The following TTC3 variants were observed in gnomAD, a reference collection of about 807,000 sequenced individuals.
The protein encoded by TTC3 is E3 ubiquitin-protein ligase TTC3.
TTC3 carries 180 observed loss-of-function variants against 249.6 expected under a neutral mutation model. The ratio of observed to expected loss-of-function variants is 0.72; its 90% confidence interval spans 0.64 to 0.82. The LOEUF (loss-of-function observed/expected upper bound fraction) is 0.82, where lower values mean the gene tolerates loss of function less well. TTC3 is among the 40% of genes least tolerant of loss of function. The probability of loss-of-function intolerance (pLI) is 0.00; values close to 1 mark genes in which losing one functional copy is unlikely to be tolerated. For missense variants in TTC3, 2,061 were observed against 2,398.4 expected (o/e 0.86, Z 2.94); for synonymous variants, 717 against 805.0 (o/e 0.89, Z 1.85).
At chr21:37,082,530 C>G (rs1358501451) in intron 1 of TTC3, 1 of 985,184 alleles carries the variant, frequency 1.0e-6, no homozygotes, top group East Asian at 1.1e-4. Context: ...TTTTGAGTTC[C>G]TACATTTTGC....
chr21:37,197,999 A>G (rs2085103965), exon 44 of TTC3: 4 of 1,613,334 alleles, frequency 2.5e-6, no homozygotes, highest in Non-Finnish European at 3.4e-6. Context: ...CAAGGGGCAG[A>G]AAGCAGAAGA....
At chr21:37,103,925 TGAG>T (rs1475808145) in intron 10 of TTC3, among the ~76,000 whole-genome samples, 1 of 152,052 alleles carries the variant, frequency 6.6e-6, no homozygotes, top group Non-Finnish European at 1.5e-5. Flanking sequence ...GATTTTAAAC[TGAG>T]GAGAGAGAGC....
chr21:37,156,986 T>C, intron 28 of TTC3, 80 bp downstream of exon 28: 1 of 1,500,048 alleles, frequency 6.7e-7, no homozygotes, highest in Non-Finnish European at 9.0e-7. Flanking sequence ...CTTGTTTAAA[T>C]ATATAACAAA....
intron 11 of TTC3, among the ~76,000 whole-genome samples, chr21:37,108,701 G>C (rs537836132): frequency 2.6e-5 from 4 of 152,138 alleles, no homozygotes; most frequent in African/African-American, 9.7e-5. Flanking sequence ...TCATCTCTGC[G>C]TATTCTGGGT....
chr21:37,138,976 CAT>C (rs1253636893), intron 19 of TTC3, among the ~76,000 whole-genome samples: 1 of 152,018 alleles, frequency 6.6e-6, no homozygotes, highest in Non-Finnish European at 1.5e-5. Context: ...ATTTCAGAAA[CAT>C]AATCTTGAGG....
At chr21:37,133,655 G>A (rs1003349983) in intron 17 of TTC3, among the ~76,000 whole-genome samples, 3 of 152,076 alleles carry the variant, frequency 2.0e-5, no homozygotes, top group East Asian at 1.9e-4. Context: ...ATATGATTTC[G>A]GCCTGCTCTG....
intron 28 of TTC3, among the ~76,000 whole-genome samples, chr21:37,157,701 G>A (rs1371724783): frequency 6.6e-6 from 1 of 152,160 alleles, no homozygotes; most frequent in African/African-American, 2.4e-5. Context: ...CCCTATTTGG[G>A]TAATGGCATG....
intron 18 of TTC3, 80 bp downstream of exon 18, chr21:37,135,594 C>A: frequency 6.6e-7 from 1 of 1,506,108 alleles, no homozygotes; most frequent in South Asian, 1.2e-5. Flanking sequence ...GGGCTTAACT[C>A]ATTGTAGTAA....
chr21:37,130,621 G>A (rs2077393872), intron 16 of TTC3, among the ~76,000 whole-genome samples: 1 of 152,016 alleles, frequency 6.6e-6, no homozygotes, highest in Non-Finnish European at 1.5e-5. Context: ...CTTGCTTTTT[G>A]TCTTTTACAA....
chr21:37,134,620 A>G (rs1366894525), intron 17 of TTC3, among the ~76,000 whole-genome samples: 1 of 152,170 alleles, frequency 6.6e-6, no homozygotes, highest in East Asian at 1.9e-4. Context: ...GTGTATAGCA[A>G]GGAGTGAGGA....
chr21:37,090,105 A>G (rs1289061335), intron 5 of TTC3, 128 bp from the exon 6 acceptor site: 2 of 577,268 alleles, frequency 3.5e-6, no homozygotes, highest in African/African-American at 1.9e-5. Flanking sequence ...GGTCATGTAA[A>G]TGCTTGTCGG....
intron 10 of TTC3, among the ~76,000 whole-genome samples, chr21:37,105,327 AT>A (rs1443489815): frequency 1.3e-5 from 2 of 152,166 alleles, no homozygotes; most frequent in East Asian, 3.9e-4. Context: ...AACTTACCTT[AT>A]TCAAGAGTTC....
intron 17 of TTC3, among the ~76,000 whole-genome samples, chr21:37,133,088 A>G (rs1261822141): frequency 1.3e-5 from 2 of 152,216 alleles, no homozygotes; most frequent in Non-Finnish European, 1.5e-5. Flanking sequence ...TACGTTAGCT[A>G]GAGGTTTAAC....
chr21:37,198,100 C>T (rs544796792), intron 44 of TTC3, 75 bp downstream of exon 44: 1 of 1,472,178 alleles, frequency 6.8e-7, no homozygotes, highest in East Asian at 2.4e-5. Flanking sequence ...ATGATTTAGC[C>T]CCATTCATTT....
At chr21:37,088,317 A>C in exon 4 of TTC3, 1 of 1,613,292 alleles carries the variant, frequency 6.2e-7, no homozygotes, top group African/African-American at 1.3e-5. Flanking sequence ...GTTCCGTAAT[A>C]TCACGATTGC....
At position 37,081,325 on chromosome 21, in the gene TTC3, C is replaced by A. The variant is rs548128664; in HGVS notation, c.-11-5922C>A. Among the ~76,000 whole-genome samples, 5 of 152,038 alleles carry A rather than the reference C, an allele frequency of 3.3e-5. No individual in the cohort carries two copies. The East Asian group carries it at 9.7e-4, about 29-fold the overall frequency. ...TAGAGATGGGGTTTCACCATGTTGGCCAGGATGGTCTTGATCTCTTGACCT... is the reference window on the plus strand; with the variant it reads ...TAGAGATGGGGTTTCACCATGTTGGACAGGATGGTCTTGATCTCTTGACCT... On this transcript the variant is annotated intron_variant, in intron 1 of 45. Transcript: ENST00000355666.
In TTC3 at chr21:37,153,144, A is replaced by G. The variant is rs56032400; in HGVS notation, c.2607A>G (p.Ala869=). The G allele has an allele frequency of 1.3e-3, 2,119 of 1,614,082 alleles. 21 individuals carry two copies. In the African/African-American group the frequency reaches 0.024, roughly 19 times the overall value. ...CTAGCAGAAATTTTCTAAATGAAGC[A>G]GTGGACTATGTTATTCGCCACTTGA... The change falls in exon 27 of 46, where the codon GCA becomes GCG. Residue 869 remains alanine, a synonymous_variant. Coordinates refer to ENST00000355666, the Ensembl canonical transcript of TTC3.
At chr21:37,140,164 G>A (rs974523211) in intron 19 of TTC3, among the ~76,000 whole-genome samples, 1 of 152,138 alleles carries the variant, frequency 6.6e-6, no homozygotes, top group Admixed American at 6.6e-5. Flanking sequence ...CATTGGAATG[G>A]CATTCCTTCC....
exon 43 of TTC3, chr21:37,197,590 T>C (rs765570846): frequency 6.2e-7 from 1 of 1,611,952 alleles, no homozygotes; most frequent in East Asian, 2.2e-5. Flanking sequence ...GCTGGTTTTA[T>C]TAAAAAAGTG....
Sources: gnomAD v4.1 joint callset for allele counts (sites outside exome capture counted in the v4.1 genomes callset) on GRCh38, gnomAD v4.1.1 for gene constraint, MANE v1.5 for transcripts, NCBI Gene and HGNC (gene_info 2026-07-23, HGNC 2026-07-21) for gene names.